Variants in RPH3AL observed in about 807,000 individuals in gnomAD.
RPH3AL encodes rabphilin 3A like (without C2 domains).
A neutral mutation model predicts 43.1 loss-of-function variants in RPH3AL; 38 were observed. That is an observed-to-expected ratio of 0.88 (90% CI 0.68 to 1.15). The LOEUF is 1.15. Ranked by LOEUF, RPH3AL falls within the 50% of genes most tolerant of loss-of-function variation. RPH3AL has a pLI of 0.00. For missense variants in RPH3AL, 462 were observed against 423.2 expected (o/e 1.09, Z -0.81); for synonymous variants, 189 against 176.3 (o/e 1.07, Z -0.57).
intron 5 of RPH3AL, among the ~76,000 whole-genome samples, chr17:314,678 G>A (rs1325471328): frequency 2.1e-5 from 3 of 140,878 alleles, no homozygotes; most frequent in South Asian, 2.2e-4. Flanking sequence ...TGTAGTCTCT[G>A]TGACTCCACC....
chr17:330,769 G>A (rs952051993), intron 2 of RPH3AL, among the ~76,000 whole-genome samples: 4 of 152,166 alleles, frequency 2.6e-5, no homozygotes, highest in Non-Finnish European at 5.9e-5. Flanking sequence ...CCAGCTATTC[G>A]GGAGGCCGAG....
At chr17:247,052 G>T (rs2041782867) in intron 7 of RPH3AL, 59 bp downstream of exon 7, 2 of 1,595,756 alleles carry the variant, frequency 1.3e-6, no homozygotes, top group Admixed American at 1.7e-5. Context: ...CAAACTGCCG[G>T]GCTGGCTAAT....
In RPH3AL at chr17:231,642, G is replaced by A. The variant is rs62054636; in HGVS notation, c.614-11906C>T. ...AGATGGACGTGCTTCACTGCACGAG[G>A]CAGAGGCTAGCATGGGCCAGGCACA... On this transcript the variant is annotated intron_variant, in intron 7 of 9. Transcript: ENST00000331302. Among the ~76,000 whole-genome samples the A allele has an allele frequency of 3.3e-3, 501 of 152,338 alleles. 2 individuals are homozygous for A. The highest frequency in any genetic ancestry group is 8.8e-3 in the Admixed American group (134 of 15,308).
At chr17:249,714 GAAA>G (rs2041842523) in intron 6 of RPH3AL, among the ~76,000 whole-genome samples, 1 of 150,634 alleles carries the variant, frequency 6.6e-6, no homozygotes, top group Non-Finnish European at 1.5e-5. Context: ...ACATACTCTT[GAAA>G]AGCACTAGGT....
At chr17:243,489 C>CTACCTTCCTCTATTGAT (rs1555538161) in intron 7 of RPH3AL, among the ~76,000 whole-genome samples, 3 of 126,184 alleles carry the variant, frequency 2.4e-5, no homozygotes, top group South Asian at 2.8e-4. Context: ...CCTCTATTGA[C>CTACCTTCCTCTATTGAT]TACCTTCCTC....
intron 3 of RPH3AL, among the ~76,000 whole-genome samples, chr17:326,699 G>A (rs556174801): frequency 6.6e-6 from 1 of 152,268 alleles, no homozygotes; most frequent in Admixed American, 6.5e-5. Context: ...TGGCCAACAT[G>A]GTAAAACCCC....
intron 7 of RPH3AL, among the ~76,000 whole-genome samples, chr17:220,447 C>A (rs200875195): frequency 5.7e-5 from 5 of 88,332 alleles, no homozygotes; most frequent in Non-Finnish European, 1.5e-4. Flanking sequence ...ACAATAGACC[C>A]AAGCACAACA....
chr17:286,606 A>G (rs66948451), intron 5 of RPH3AL, among the ~76,000 whole-genome samples: 68,408 of 152,196 alleles, frequency 0.45, 17,104 homozygotes, highest in Non-Finnish European at 0.56. Context: ...AAAACGAAAC[A>G]GGTGGTATTT....
chr17:219,654 G>C lies in RPH3AL; in HGVS notation c.696C>G (p.Asp232Glu). 6.2e-7 allele frequency: 1 copy of C among 1,610,452 alleles called. No homozygotes were observed. Among genetic ancestry groups the C allele is most frequent in the Non-Finnish European group, 8.5e-7 (1 of 1,179,040 alleles). Reference sequence around the variant, plus strand: ...CCTTCCAGGGTTTGTCGCCTTTCCGGTCCCTGACCCCAGTGGATGGGAGTC... The same window carrying C: ...CCTTCCAGGGTTTGTCGCCTTTCCGCTCCCTGACCCCAGTGGATGGGAGTC... ...EDRLPSTGVRDRKGDKPWKES... is the reference protein window; with the variant it reads ...EDRLPSTGVRERKGDKPWKES... Residue 232 changes from aspartate to glutamate, a missense_variant, in exon 8 of 10, where the codon GAC (aspartate) becomes GAG (glutamate). Physicochemically the swap from Asp to Glu is conservative, Grantham distance 45 (BLOSUM62 2). Transcript: ENST00000331302.
chr17:252,147 G>T (rs782343180), intron 6 of RPH3AL, among the ~76,000 whole-genome samples: 2 of 151,716 alleles, frequency 1.3e-5, no homozygotes, highest in Admixed American at 1.3e-4. Flanking sequence ...GCTAATTTTT[G>T]TATTTTTTGT....
chr17:266,948 A>G (rs1178883905), intron 6 of RPH3AL, among the ~76,000 whole-genome samples: 3 of 152,162 alleles, frequency 2.0e-5, no homozygotes, highest in African/African-American at 7.2e-5. Flanking sequence ...ATCAGGGAGA[A>G]CCCTGGGACA....
intron 6 of RPH3AL, 100 bp downstream of exon 6, chr17:281,668 G>GC: frequency 4.0e-6 from 1 of 247,038 alleles, no homozygotes; most frequent in Non-Finnish European, 8.0e-6. Context: ...TATCCAGCCC[G>GC]CCCAGCCCTC....
chr17:286,428 T>C (rs2042913297), intron 5 of RPH3AL, among the ~76,000 whole-genome samples: 1 of 140,478 alleles, frequency 7.1e-6, no homozygotes, highest in Non-Finnish European at 1.6e-5. Context: ...CTTCAGTGTC[T>C]CTGGCTGGCA....
Position 289,582 on chromosome 17 carries a change from C to A in RPH3AL, c.352-7728G>T, listed in dbSNP as rs891449021. On this transcript the variant is annotated intron_variant, in intron 5 of 9. Coordinates refer to ENST00000331302, the MANE Select transcript of RPH3AL (RefSeq NM_006987.4). This position sits in a 1 kb window ranked among gnomAD's most constrained non-coding sequence, Gnocchi z 5.2. ...AATCTAATCATGTCACCTCTCCCAT[C>A]CCTCCCAACTTAAAAGCCATCAGAG... Among the ~76,000 whole-genome samples the A allele has an allele frequency of 2.6e-5, 4 of 152,200 alleles. No individual in the cohort carries two copies. The highest frequency in any genetic ancestry group is 1.3e-4 in the Admixed American group (2 of 15,286).
rs1358405132 is a variant in RPH3AL at position 289,172 on chromosome 17, C to G, written c.352-7318G>C. On this transcript the variant is annotated intron_variant, in intron 5 of 9. Transcript: ENST00000331302. This position sits in a 1 kb window ranked among gnomAD's most constrained non-coding sequence, Gnocchi z 5.2. ...TCATCTGTAAGTTGGTGGTAACAGG[C>G]CCCCCCACACCCCAGGTTGCAGATG... is the stretch of plus-strand genomic sequence containing the variant. 6.6e-6 allele frequency among the ~76,000 whole-genome samples: 1 copy of G among 151,912 alleles called. No individual in the cohort carries two copies. Among genetic ancestry groups the G allele is most frequent in the Non-Finnish European group, 1.5e-5 (1 of 67,974 alleles).
chr17:302,541 G>A (rs1158588923), intron 5 of RPH3AL, among the ~76,000 whole-genome samples: 1 of 152,170 alleles, frequency 6.6e-6, no homozygotes, highest in Non-Finnish European at 1.5e-5. Context: ...AGAGAGGGCC[G>A]TGTCCCCAGG....
rs952492539 is a variant in RPH3AL, at chr17:283,977, T to C, written c.352-2123A>G. On this transcript the variant is annotated intron_variant, in intron 5 of 9. Coordinates refer to ENST00000331302, the MANE Select transcript of RPH3AL (RefSeq NM_006987.4). The surrounding 1 kb of genome is among the most constrained non-coding windows in gnomAD (Gnocchi z 4.2). ...AGGAAGCACTGATGCTACTTAGCTC[T>C]GTTTTCCTTGCGAATTCCCACCATC... Among the ~76,000 whole-genome samples the C allele has an allele frequency of 1.3e-5, 2 of 152,248 alleles. No individual in the cohort carries two copies. Among genetic ancestry groups the C allele is most frequent in the African/African-American group, 4.8e-5 (2 of 41,472 alleles).
intron 9 of RPH3AL, chr17:214,823 C>T (rs1314325766): frequency 6.6e-6 from 1 of 152,034 alleles, no homozygotes; most frequent in Admixed American, 6.6e-5. Flanking sequence ...TGCTCAAGGT[C>T]ACATGGCTGT....
At chr17:315,225 C>A (rs73971726) in intron 5 of RPH3AL, among the ~76,000 whole-genome samples, 12 of 4,484 alleles carry the variant, frequency 2.7e-3, no homozygotes, top group Admixed American at 4.5e-3. Context: ...AGTCTCTGTG[C>A]CCCCACCTTC....
Sources: gnomAD v4.1 joint callset for allele counts (sites outside exome capture counted in the v4.1 genomes callset) on GRCh38, gnomAD v4.1.1 for gene constraint, Gnocchi (gnomAD v3.1) non-coding constraint, MANE v1.5 for transcripts, NCBI Gene and HGNC (gene_info 2026-07-23, HGNC 2026-07-21) for gene names.